The following FAS variants were observed in gnomAD, a reference collection of about 807,000 sequenced individuals.
The protein encoded by FAS is tumor necrosis factor receptor superfamily member 6.
In FAS, 5 loss-of-function variants were observed where a neutral mutation model predicts 33.2. The ratio of observed to expected loss-of-function variants is 0.15; its 90% CI spans 0.08 to 0.32. The LOEUF is 0.32. FAS is among the 10% of genes least tolerant of loss of function. FAS has a pLI of 1.00. For missense variants in FAS, 339 were observed against 386.0 expected (o/e 0.88, Z 1.02); for synonymous variants, 131 against 130.7 (o/e 1.00, Z -0.01).
At chr10:88,966,985 G>A (rs1033122823) in intron 1 of FAS, among the ~76,000 whole-genome samples, 1 of 152,176 alleles carries the variant, frequency 6.6e-6, no homozygotes. Flanking sequence ...CTCAAACAGC[G>A]CCAAGAGGGC....
At chr10:88,998,347 CAA>C (rs3074154) in intron 1 of FAS, among the ~76,000 whole-genome samples, 33 of 141,780 alleles carry the variant, frequency 2.3e-4, no homozygotes, top group Non-Finnish European at 3.4e-4. Flanking sequence ...TAAAAAAAAG[CAA>C]AAAAAAAAAA....
chr10:88,978,284 G>T (rs1846621761), intron 2 of FAS, among the ~76,000 whole-genome samples: 1 of 145,068 alleles, frequency 6.9e-6, no homozygotes, highest in Non-Finnish European at 1.5e-5. Context: ...AGCATCGGGA[G>T]ATATACCTAA....
chr10:88,992,732 G>GT (rs1376260329), intron 1 of FAS, among the ~76,000 whole-genome samples: 23 of 152,080 alleles, frequency 1.5e-4, no homozygotes, highest in African/African-American at 4.8e-4. Flanking sequence ...AGTAATCATT[G>GT]TTTACGTTTT....
At position 88,969,695 on chromosome 10, in the gene FAS, A is replaced by G. The variant is rs566832785; in HGVS notation, n.95-3487A>G. On this transcript the variant is annotated intron_variant and non_coding_transcript_variant, in intron 1 of 3. Coordinates refer to the FAS transcript ENST00000688239. ...ATCATCCTCCCAACTATATCTTTTCATATACGTTAATAGCACTCTATCTTT... is the reference window on the plus strand; with the variant it reads ...ATCATCCTCCCAACTATATCTTTTCGTATACGTTAATAGCACTCTATCTTT... Among the ~76,000 whole-genome samples, 5 of 152,274 alleles carry G rather than the reference A, an allele frequency of 3.3e-5. No individual in the cohort carries two copies. The South Asian group carries it at 1.0e-3, about 32-fold the overall frequency.
rs2133501872 is a variant in FAS, at chr10:89,007,683, C to G, written c.197-17C>G. 6.2e-7 allele frequency: 1 copy of G among 1,613,544 alleles called. No homozygotes were observed. Among genetic ancestry groups the G allele is most frequent in the Non-Finnish European group, 8.5e-7 (1 of 1,179,758 alleles). On this transcript the variant is annotated splice_polypyrimidine_tract_variant and intron_variant, in intron 2 of 8. Transcript: ENST00000652046. ...CCGTGTCCTGTTCAAACACTTGCTCCTTTTTTCCTTGGGCAGGTGAAAGGA... is the reference window on the plus strand; with the variant it reads ...CCGTGTCCTGTTCAAACACTTGCTCGTTTTTTCCTTGGGCAGGTGAAAGGA...
At chr10:89,008,864 A>G in intron 3 of FAS, 25 bp from the exon 4 acceptor site, 1 of 1,603,174 alleles carries the variant, frequency 6.2e-7, no homozygotes, top group Non-Finnish European at 8.5e-7. Flanking sequence ...CGCTATAACT[A>G]ATAGTTTCCA....
chr10:88,973,198 C>A, exon 2 of FAS: 1 of 1,612,344 alleles, frequency 6.2e-7, no homozygotes, highest in South Asian at 1.1e-5. Flanking sequence ...AAATTCCTTT[C>A]TGGGATAATT....
upstream of FAS, among the ~76,000 whole-genome samples, chr10:88,983,503 G>C (rs1846762616): frequency 6.7e-6 from 1 of 150,352 alleles, no homozygotes; most frequent in African/African-American, 2.4e-5. Context: ...CCTAGTAACT[G>C]TGTGACTTTG....
chr10:88,969,668 A>G (rs1846389394), intron 1 of FAS, among the ~76,000 whole-genome samples: 2 of 152,166 alleles, frequency 1.3e-5, no homozygotes, highest in Non-Finnish European at 2.9e-5. Context: ...TCTGACCACC[A>G]TATCATCCTC....
intron 2 of FAS, among the ~76,000 whole-genome samples, chr10:88,976,649 GT>G (rs1301509888): frequency 1.3e-5 from 2 of 152,050 alleles, no homozygotes; most frequent in African/African-American, 4.8e-5. Context: ...ATGATATTGT[GT>G]TATTTTAAAA....
At chr10:88,979,767 T>C (rs1439626663) in intron 2 of FAS, among the ~76,000 whole-genome samples, 2 of 152,206 alleles carry the variant, frequency 1.3e-5, no homozygotes, top group Non-Finnish European at 2.9e-5. Flanking sequence ...TTGCTAGCCA[T>C]TTGTTTAGTC....
Position 89,014,542 on chromosome 10 carries a change from C to A in FAS, c.*92C>A. ...GCTGTAAATACTGCTTGGTTTTTTA[C>A]TGGGTACATTTTATCATTTATTAGC... On this transcript the variant is annotated 3_prime_UTR_variant, in exon 9 of 9. Coordinates refer to ENST00000652046, the MANE Select transcript of FAS (RefSeq NM_000043.6). 1 of 1,193,230 alleles carries A rather than the reference C, an allele frequency of 8.4e-7. No homozygotes were observed. The highest frequency in any genetic ancestry group is 1.2e-6 in the Non-Finnish European group (1 of 830,396). The allele number at this position is 1,193,230 out of a possible 1,614,324, so 73.9% of individuals were successfully genotyped here.
intron 2 of FAS, chr10:88,973,521 G>A (rs1324708557): frequency 6.2e-6 from 3 of 483,686 alleles, no homozygotes; most frequent in Non-Finnish European, 9.9e-6. Context: ...CAGGTACCCT[G>A]TCACCTTGGC....
chr10:88,999,179 A>AAAAAT (rs1365410832), intron 1 of FAS, among the ~76,000 whole-genome samples: 1 of 104,614 alleles, frequency 9.6e-6, no homozygotes, highest in Non-Finnish European at 2.2e-5. Flanking sequence ...AAATAAAATA[A>AAAAAT]AATAAAATAA....
chr10:88,995,718 C>T (rs1050724534), intron 1 of FAS, among the ~76,000 whole-genome samples: 1 of 152,050 alleles, frequency 6.6e-6, no homozygotes, highest in Admixed American at 6.5e-5. Context: ...CTCAGCTACT[C>T]GGGAGGTCGC....
upstream of FAS, among the ~76,000 whole-genome samples, chr10:88,987,614 T>A (rs937783164): frequency 6.6e-6 from 1 of 152,224 alleles, no homozygotes; most frequent in Admixed American, 6.5e-5. Flanking sequence ...AGGGTTTGTG[T>A]CCCAGTGTTT....
chr10:89,014,408 A>G lies in FAS; in HGVS notation c.966A>G (p.Ser322=). 1 of 1,612,572 alleles carries G rather than the reference A, an allele frequency of 6.2e-7. No homozygotes were observed. Among genetic ancestry groups the G allele is most frequent in the Non-Finnish European group, 8.5e-7 (1 of 1,179,930 alleles). ...TIILKDITSD[S]ENSNFRNEIQ... ...TCCTCAAGGACATTACTAGTGACTC[A>G]GAAAATTCAAACTTCAGAAATGAAA... Residue 322 remains serine, a synonymous_variant, in exon 9 of 9, where the codon TCA becomes TCG. Coordinates refer to ENST00000652046, the MANE Select transcript of FAS (RefSeq NM_000043.6).
chr10:89,008,829 T>G (rs1848378850), intron 3 of FAS, 60 bp from the exon 4 acceptor site: 2 of 1,519,772 alleles, frequency 1.3e-6, no homozygotes, highest in Non-Finnish European at 1.8e-6. Flanking sequence ...CTGCCCACCA[T>G]TTTCATAGTC....
At chr10:88,984,326 G>A (rs1846808849), upstream of FAS, among the ~76,000 whole-genome samples, 1 of 152,124 alleles carries the variant, frequency 6.6e-6, no homozygotes, top group Non-Finnish European at 1.5e-5. Flanking sequence ...GGGAGGTGTT[G>A]ATCTTATGGT....
Sources: allele counts gnomAD v4.1 joint callset (sites outside exome capture counted in the v4.1 genomes callset), GRCh38; gene constraint gnomAD v4.1.1; transcripts MANE v1.5; gene names NCBI Gene and HGNC (gene_info 2026-07-23, HGNC 2026-07-21).